CCDC3: variants seen among roughly 807,000 people sequenced by gnomAD.
CCDC3 encodes coiled-coil domain containing 3, also known as coiled-coil domain-containing protein 3.
A neutral mutation model predicts 21.4 loss-of-function variants in CCDC3; 24 were observed. The ratio of observed to expected loss-of-function variants is 1.12; its 90% confidence interval spans 0.81 to 1.58. The LOEUF is 1.58. CCDC3 is among the 40% of genes most tolerant of loss of function. CCDC3 has a pLI of 0.00. For missense variants in CCDC3, 425 were observed against 360.9 expected (o/e 1.18, Z -1.44); for synonymous variants, 186 against 166.0 (o/e 1.12, Z -0.93).
At chr10:13,048,942 A>G (rs750430211) in intron 5 of CCDC3, among the ~76,000 whole-genome samples, 1 of 152,138 alleles carries the variant, frequency 6.6e-6, no homozygotes, top group Non-Finnish European at 1.5e-5. Context: ...TCATTGCACA[A>G]CACCAAGAGT....
At position 12,970,516 on chromosome 10, in the gene CCDC3, G is replaced by A. The variant is rs191288332; in HGVS notation, c.549+27822C>T. Among the ~76,000 whole-genome samples the A allele has an allele frequency of 4.6e-4, 70 of 152,240 alleles. 1 individual carries two copies. The highest frequency in any genetic ancestry group is 4.1e-4 in the African/African-American group (17 of 41,542). ...TAGCTTGATGTAGCCATTCTACAAC[G>A]TATACATATATTTAAAATCATACTG... On this transcript the variant is annotated intron_variant, in intron 2 of 2. Coordinates refer to ENST00000378825, the MANE Select transcript of CCDC3 (RefSeq NM_031455.4).
intron 2 of CCDC3, among the ~76,000 whole-genome samples, chr10:12,969,763 T>C (rs182055744): frequency 3.3e-5 from 5 of 150,274 alleles, no homozygotes; most frequent in Admixed American, 3.3e-4. Context: ...TTTTAAGATA[T>C]TCATTCTTAA....
chr10:13,059,646 A>C (rs1836729077), intron 4 of CCDC3, among the ~76,000 whole-genome samples: 1 of 151,972 alleles, frequency 6.6e-6, no homozygotes, highest in South Asian at 2.1e-4. Flanking sequence ...AAATTACTGA[A>C]GGTTTTTTTT....
intron 2 of CCDC3, among the ~76,000 whole-genome samples, chr10:12,916,426 CA>C (rs71386129): frequency 0.24 from 25,463 of 104,976 alleles, 2,566 homozygotes; most frequent in African/African-American, 0.27. Context: ...GACTCCATCT[CA>C]AAAAAAAAAA....
chr10:13,090,864 T>G (rs754363370), intron 3 of CCDC3, among the ~76,000 whole-genome samples: 17 of 152,180 alleles, frequency 1.1e-4, no homozygotes, highest in African/African-American at 2.7e-4. Flanking sequence ...GTCTGGAAGC[T>G]GAGGAGCAAG....
chr10:13,057,192 G>A (rs1836691587), intron 4 of CCDC3, among the ~76,000 whole-genome samples: 1 of 152,136 alleles, frequency 6.6e-6, no homozygotes, highest in African/African-American at 2.4e-5. Context: ...TACTCAGGGG[G>A]CTGAGGCAGG....
intron 4 of CCDC3, among the ~76,000 whole-genome samples, chr10:13,070,394 T>C (rs182401818): frequency 3.9e-5 from 6 of 152,328 alleles, no homozygotes; most frequent in African/African-American, 1.4e-4. Context: ...CAAGACACAA[T>C]TGGAGAACCT....
intron 2 of CCDC3, among the ~76,000 whole-genome samples, chr10:12,967,632 A>C (rs1051182146): frequency 6.6e-6 from 1 of 152,178 alleles, no homozygotes; most frequent in Admixed American, 6.5e-5. Context: ...GAAAGGAAAA[A>C]AGTGAAAAGG....
intron 2 of CCDC3, among the ~76,000 whole-genome samples, chr10:12,923,456 C>A (rs779920910): frequency 6.6e-6 from 1 of 152,234 alleles, no homozygotes; most frequent in East Asian, 1.9e-4. Flanking sequence ...TAAGTGGCAC[C>A]GTTTGCATGG....
At chr10:12,952,007 C>T (rs1399174710) in intron 2 of CCDC3, among the ~76,000 whole-genome samples, 1 of 152,036 alleles carries the variant, frequency 6.6e-6, no homozygotes, top group Admixed American at 6.6e-5. Context: ...GGTATCTTCA[C>T]CATAGGCCAC....
At chr10:13,097,017 G>C (rs1336282780) in intron 3 of CCDC3, among the ~76,000 whole-genome samples, 1 of 152,204 alleles carries the variant, frequency 6.6e-6, no homozygotes, top group Admixed American at 6.5e-5. Flanking sequence ...CAGGAGTCCA[G>C]CCAACGCTCC....
rs201147153 is a variant in CCDC3, at chr10:12,986,772, C to CAA, written c.549+11564_549+11565dup. Among the ~76,000 whole-genome samples, 63 of 75,432 alleles carry CAA rather than the reference C, an allele frequency of 8.4e-4. No homozygotes were observed. In the South Asian group the frequency reaches 0.013, roughly 15 times the overall value. The allele number at this position is 75,432 out of a possible 152,430, so 49.5% of individuals were successfully genotyped here. A position where few individuals can be genotyped will look rare whatever the true frequency, so the allele number is the denominator to read the frequency against. ...TGGGCGGCAGAGCGAGACTCCGTCT[C>CAA]AAAAAAAAAAAACAAAAAAACAAAA... On this transcript the variant is annotated intron_variant, in intron 2 of 2. Transcript: ENST00000378825.
At chr10:13,040,323 G>C (rs146460439) in intron 5 of CCDC3, among the ~76,000 whole-genome samples, 4,227 of 152,282 alleles carry the variant, frequency 0.028, 95 homozygotes, top group Middle Eastern at 0.058. Flanking sequence ...TAACACGTTT[G>C]CCAGCCCAAG....
At chr10:13,071,652 G>A (rs1836883505) in intron 4 of CCDC3, among the ~76,000 whole-genome samples, 1 of 152,152 alleles carries the variant, frequency 6.6e-6, no homozygotes, top group African/African-American at 2.4e-5. Context: ...TGGCTGCCAG[G>A]ACTTGGGGAT....
intron 2 of CCDC3, among the ~76,000 whole-genome samples, chr10:12,901,755 A>G (rs1043479639): frequency 3.9e-5 from 6 of 152,218 alleles, no homozygotes; most frequent in African/African-American, 1.4e-4. Flanking sequence ...AAATCTCCTA[A>G]AGCCTTTAAC....
chr10:12,961,574 C>A (rs1835179340), intron 2 of CCDC3, among the ~76,000 whole-genome samples: 2 of 152,250 alleles, frequency 1.3e-5, no homozygotes, highest in South Asian at 4.2e-4. Flanking sequence ...GGCTCTGGGA[C>A]CACGGCATGA....
rs947313802 is a variant in CCDC3 at position 13,001,603 on chromosome 10, C to T, written c.-33G>A. The T allele has an allele frequency of 4.5e-6, 5 of 1,108,360 alleles. No individual in the cohort carries two copies. The highest frequency in any genetic ancestry group is 3.3e-5 in the African/African-American group (2 of 60,154). 68.7% of individuals were successfully genotyped at this position (1,108,360 alleles called of 1,614,324 possible). A position where few individuals can be genotyped will look rare whatever the true frequency, so the allele number is the denominator to read the frequency against. On this transcript the variant is annotated 5_prime_UTR_variant, in exon 1 of 3. Transcript: ENST00000378825. ...CCTCCCGGGGCGCACGGGGCGGCGG[C>T]GGGGAGCCCGGGGAGCCCGCCGGCC...
chr10:13,034,430 C>G (rs1355788225), intron 5 of CCDC3, among the ~76,000 whole-genome samples: 2 of 151,378 alleles, frequency 1.3e-5, no homozygotes, highest in Non-Finnish European at 2.9e-5. Flanking sequence ...AACATGGCAC[C>G]TGTATACATA....
At chr10:13,010,085 T>C (rs1401827725) in intron 5 of CCDC3, among the ~76,000 whole-genome samples, 4 of 151,944 alleles carry the variant, frequency 2.6e-5, no homozygotes, top group Non-Finnish European at 4.4e-5. Flanking sequence ...CTATCTCTAC[T>C]AAAAATACAA....
Sources: gnomAD v4.1 joint callset for allele counts (sites outside exome capture counted in the v4.1 genomes callset) on GRCh38, gnomAD v4.1.1 for gene constraint, MANE v1.5 for transcripts, NCBI Gene and HGNC (gene_info 2026-07-23, HGNC 2026-07-21) for gene names.